Variants in WDR45B observed in about 807,000 individuals in gnomAD.
WDR45B encodes the protein WD repeat domain 45B, also known as WD repeat domain phosphoinositide-interacting protein 3.
A neutral mutation model predicts 44.6 loss-of-function variants in WDR45B; 20 were observed. That is an observed-to-expected ratio of 0.45 (90% CI 0.32 to 0.65). The LOEUF (loss-of-function observed/expected upper bound fraction) is 0.65. Among genes scored for constraint, WDR45B ranks in the 30% least tolerant of loss-of-function variants. The pLI is 0.05. For synonymous variants in WDR45B, 169 were observed against 164.9 expected (o/e 1.02, Z -0.19); for missense variants, 323 against 430.2 (o/e 0.75, Z 2.20).
At chr17:82,617,469 T>C in intron 7 of WDR45B, 72 bp from the exon 8 acceptor site, 1 of 1,442,020 alleles carries the variant, frequency 6.9e-7, no homozygotes, top group South Asian at 1.2e-5. Context: ...CCCACAGCAC[T>C]TGTCGACACT....
chr17:82,623,730 C>T (rs2045652208), intron 5 of WDR45B, among the ~76,000 whole-genome samples: 1 of 151,246 alleles, frequency 6.6e-6, no homozygotes, highest in Non-Finnish European at 1.5e-5. Context: ...ATTCTTACAT[C>T]TCATTATAAG....
intron 2 of WDR45B, among the ~76,000 whole-genome samples, chr17:82,641,796 G>A (rs766121411): frequency 6.6e-6 from 1 of 152,108 alleles, no homozygotes; most frequent in Non-Finnish European, 1.5e-5. Flanking sequence ...TACTCGGGAG[G>A]CTGAGGCAGG....
intron 2 of WDR45B, among the ~76,000 whole-genome samples, chr17:82,637,681 T>A (rs2045851486): frequency 6.6e-6 from 1 of 152,066 alleles, no homozygotes; most frequent in Admixed American, 6.5e-5. Flanking sequence ...TCCTTATGTT[T>A]ACCAGTTTAT....
rs11337047 is a variant in WDR45B at position 82,621,054 on chromosome 17, C to CT, written c.618+554dup. On this transcript the variant is annotated intron_variant, in intron 6 of 9. Transcript: ENST00000392325. ...CTTGGATGTGGACGTATTTTTGTTT[C>CT]TTTTTTTTTTTTTTTTTGAGACGGA... 4.2e-3 allele frequency among the ~76,000 whole-genome samples: 552 copies of CT among 131,286 alleles called. 3 individuals are homozygous for CT. The highest frequency in any genetic ancestry group is 8.1e-3 in the Middle Eastern group (2 of 248). The allele number at this position is 131,286 out of a possible 152,430, so 86.1% of individuals were successfully genotyped here.
intron 4 of WDR45B, among the ~76,000 whole-genome samples, chr17:82,626,183 A>G (rs1408521034): frequency 3.3e-5 from 5 of 150,646 alleles, no homozygotes; most frequent in African/African-American, 1.2e-4. Flanking sequence ...GCCCGGCCAC[A>G]TTTGCATTAC....
chr17:82,625,536 A>G, intron 4 of WDR45B, 53 bp from the exon 5 acceptor site: 2 of 1,475,454 alleles, frequency 1.4e-6, no homozygotes, highest in Admixed American at 1.7e-5. Context: ...AAACCCAAAC[A>G]TTTTATGCTC....
intron 4 of WDR45B, chr17:82,626,998 C>T (rs1212711080): frequency 5.0e-6 from 3 of 603,956 alleles, no homozygotes; most frequent in Middle Eastern, 4.5e-4. Flanking sequence ...CTACTTACCT[C>T]CAGCGGAGCC....
At chr17:82,629,877 T>G (rs1357106142) in intron 3 of WDR45B, 1 of 985,150 alleles carries the variant, frequency 1.0e-6, no homozygotes, top group African/African-American at 1.7e-5. Flanking sequence ...ACCCACTCAC[T>G]TCCCATTTGG....
At chr17:82,640,782 G>C (rs1045752391) in intron 2 of WDR45B, among the ~76,000 whole-genome samples, 2 of 152,118 alleles carry the variant, frequency 1.3e-5, no homozygotes, top group African/African-American at 4.8e-5. Context: ...ACTCACATAA[G>C]CTGGAAACGG....
At chr17:82,639,754 T>TA (rs1208641665) in intron 2 of WDR45B, among the ~76,000 whole-genome samples, 1 of 140,234 alleles carries the variant, frequency 7.1e-6, no homozygotes, top group Non-Finnish European at 1.5e-5. Context: ...GGGCTGTGTG[T>TA]AGGTGGGGCG....
At chr17:82,632,786 G>A (rs1176072988) in intron 2 of WDR45B, among the ~76,000 whole-genome samples, 1 of 152,150 alleles carries the variant, frequency 6.6e-6, no homozygotes. Flanking sequence ...CCAGCACTTT[G>A]GCAGGCAGAG....
In WDR45B at chr17:82,630,981, G is replaced by T. The variant is rs774530931; in HGVS notation, c.184C>A (p.Arg62Ser). The stretch of plus-strand genomic sequence containing the variant: ...CCAACTAAAGCTAAATAGTTGCAGC[G>T]AAATAACATTTCAACATGGCCAACT... ...GGVGHVEMLF[R>S]CNYLALVGGG... Residue 62 changes from arginine to serine, a missense_variant, in exon 3 of 10, where the codon CGC (arginine) becomes AGC (serine). Coordinates refer to ENST00000392325, the MANE Select transcript of WDR45B (RefSeq NM_019613.4). 1 of 1,613,624 alleles carries T rather than the reference G, an allele frequency of 6.2e-7. No homozygotes were observed. Among genetic ancestry groups the T allele is most frequent in the African/African-American group, 1.3e-5 (1 of 74,996 alleles).
intron 2 of WDR45B, among the ~76,000 whole-genome samples, chr17:82,637,744 T>C (rs111899016): frequency 1.5e-4 from 23 of 152,110 alleles, no homozygotes; most frequent in African/African-American, 5.6e-4. Context: ...GGCAAGGTAT[T>C]AGGGGAAGGA....
intron 8 of WDR45B, 60 bp from the exon 9 acceptor site, chr17:82,616,705 T>TA (rs2045541134): frequency 1.2e-6 from 2 of 1,608,458 alleles, no homozygotes. Flanking sequence ...ATCACCTGCG[T>TA]AAGCTCAGAA....
intron 2 of WDR45B, among the ~76,000 whole-genome samples, chr17:82,640,124 C>G (rs889926494): frequency 1.3e-5 from 2 of 152,164 alleles, no homozygotes; most frequent in Admixed American, 6.5e-5. Flanking sequence ...GAACTACCAG[C>G]TTCCCGTTCC....
At chr17:82,646,488 C>CAAAAAAAAAAAAAAAAAAAAAAAAA (rs779661551) in intron 1 of WDR45B, among the ~76,000 whole-genome samples, 3 of 19,946 alleles carry the variant, frequency 1.5e-4, no homozygotes, top group Non-Finnish European at 2.9e-4. Flanking sequence ...AACTCCGTCT[C>CAAAAAAAAAAAAAAAAAAAAAAAAA]AAAAAAAAAA....
At chr17:82,621,873 A>G (rs1245580310) in intron 5 of WDR45B, 74 bp from the exon 6 acceptor site, 16 of 1,522,244 alleles carry the variant, frequency 1.1e-5, no homozygotes, top group Non-Finnish European at 1.3e-5. Flanking sequence ...TTCTGCCCCC[A>G]AAGTTCTCCG....
chr17:82,646,505 A>C (rs1332790060), intron 1 of WDR45B, among the ~76,000 whole-genome samples: 2 of 147,714 alleles, frequency 1.4e-5, no homozygotes, highest in Admixed American at 6.8e-5. Flanking sequence ...AAAAAAAAAA[A>C]AAAAAAACCC....
At chr17:82,629,225 G>A (rs1486773194) in intron 3 of WDR45B, among the ~76,000 whole-genome samples, 1 of 152,212 alleles carries the variant, frequency 6.6e-6, no homozygotes, top group African/African-American at 2.4e-5. Flanking sequence ...CAGTGCCAGA[G>A]GTAGGGCAAG....
Sources: allele counts gnomAD v4.1 joint callset (sites outside exome capture counted in the v4.1 genomes callset), GRCh38; gene constraint gnomAD v4.1.1; transcripts MANE v1.5; gene names NCBI Gene and HGNC (gene_info 2026-07-23, HGNC 2026-07-21).